The following MBOAT1 variants were observed in gnomAD, a reference collection of about 807,000 sequenced individuals.
MBOAT1 encodes the protein membrane bound glycerophospholipid O-acyltransferase 1, also known as membrane-bound glycerophospholipid O-acyltransferase 1.
A neutral mutation model predicts 64.4 loss-of-function variants in MBOAT1; 67 were observed. That is an observed-to-expected ratio of 1.04 (90% CI 0.85 to 1.27). The LOEUF (loss-of-function observed/expected upper bound fraction) is 1.27. MBOAT1 is among the 50% of genes most tolerant of loss of function. The probability of loss-of-function intolerance (pLI) is 0.00; values close to 1 mark genes in which losing one functional copy is unlikely to be tolerated. For synonymous variants in MBOAT1, 229 were observed against 218.9 expected (o/e 1.05, Z -0.41); for missense variants, 563 against 604.6 (o/e 0.93, Z 0.72).
At chr6:20,207,378 C>A (rs1374238822) in intron 1 of MBOAT1, among the ~76,000 whole-genome samples, 1 of 152,162 alleles carries the variant, frequency 6.6e-6, no homozygotes, top group Non-Finnish European at 1.5e-5. Context: ...AAGAATCACT[C>A]GGGAAGTACC....
chr6:20,109,342 T>C (rs1236334278), intron 12 of MBOAT1, among the ~76,000 whole-genome samples: 3 of 152,146 alleles, frequency 2.0e-5, no homozygotes, highest in Non-Finnish European at 4.4e-5. Flanking sequence ...CAAAATATAC[T>C]GCCATGAGGG....
chr6:20,146,668 T>C (rs1369438406), intron 3 of MBOAT1, among the ~76,000 whole-genome samples: 1 of 152,176 alleles, frequency 6.6e-6, no homozygotes, highest in Non-Finnish European at 1.5e-5. Flanking sequence ...CAGCCATGCC[T>C]GCTGCTTCCC....
At chr6:20,184,051 G>A (rs946307529) in intron 1 of MBOAT1, among the ~76,000 whole-genome samples, 3 of 152,184 alleles carry the variant, frequency 2.0e-5, no homozygotes, top group East Asian at 1.9e-4. Context: ...CACATAACAC[G>A]TGGGAATTCT....
chr6:20,166,647 G>A (rs1485556513), intron 1 of MBOAT1, among the ~76,000 whole-genome samples: 1 of 152,092 alleles, frequency 6.6e-6, no homozygotes, highest in African/African-American at 2.4e-5. Flanking sequence ...TGTCATTCAA[G>A]GATAAAGTAG....
chr6:20,168,586 AG>A (rs1561773187), intron 1 of MBOAT1, among the ~76,000 whole-genome samples: 433 of 95,166 alleles, frequency 4.5e-3, no homozygotes, highest in Non-Finnish European at 6.4e-3. Context: ...AGAAAGAGAG[AG>A]AGGGAGAGAA....
chr6:20,150,403 CT>C (rs1313752667), intron 3 of MBOAT1, among the ~76,000 whole-genome samples: 6 of 152,098 alleles, frequency 3.9e-5, no homozygotes, highest in Non-Finnish European at 5.9e-5. Context: ...CCACAGCTCC[CT>C]GCACCATCCC....
chr6:20,122,508 G>C (rs899313337), intron 8 of MBOAT1, among the ~76,000 whole-genome samples: 1 of 152,174 alleles, frequency 6.6e-6, no homozygotes, highest in African/African-American at 2.4e-5. Context: ...TAAATTGAAA[G>C]TGTACAGAAA....
Position 20,151,227 on chromosome 6 carries a change from C to T in MBOAT1, c.281G>A (p.Cys94Tyr), listed in dbSNP as rs778148843. 1 of 1,613,380 alleles carries T rather than the reference C, an allele frequency of 6.2e-7. No homozygotes were observed. Among genetic ancestry groups the T allele is most frequent in the Non-Finnish European group, 8.5e-7 (1 of 1,179,570 alleles). Residue 94 changes from cysteine (C) to tyrosine (Y), a missense_variant, in exon 3 of 13, where the codon TGC becomes TAC. Coordinates refer to ENST00000324607, the MANE Select transcript of MBOAT1 (RefSeq NM_001080480.3). ...ACTAGCAGTGACCATGATTGCATAG[C>T]ACATTAACACCAGCACAAAAAGATG... ...SVHLFVLVLMCYAIMVTASVS... is the reference protein window; with the variant it reads ...SVHLFVLVLMYYAIMVTASVS...
At chr6:20,118,612 A>T (rs80250389) in intron 8 of MBOAT1, 72 bp from the exon 9 acceptor site, 79,865 of 1,220,660 alleles carry the variant, frequency 0.065, 3,224 homozygotes, top group Admixed American at 0.15. Context: ...GACACTAAAT[A>T]TCTGTCTAGC....
At position 20,118,531 on chromosome 6, in the gene MBOAT1, A is replaced by G. The variant is rs767362676; in HGVS notation, c.917T>C (p.Val306Ala). Residue 306 changes from valine to alanine, a missense_variant, in exon 9 of 13, where the codon GTG becomes GCG. Physicochemically the swap from Val to Ala is moderately conservative, Grantham distance 64. Transcript: ENST00000324607. ...GAACCCAAAGCCAGCTGCGTTATTC[A>G]CTGCATCAGCTATGGTTTTTAAAGT... ...YYFAWTLADAVNNAAGFGFSG... is the reference protein window; with the variant it reads ...YYFAWTLADAANNAAGFGFSG... 1.2e-6 allele frequency: 2 copies of G among 1,613,394 alleles called. No homozygotes were observed. The highest frequency in any genetic ancestry group is 2.2e-5 in the South Asian group (2 of 91,048).
At chr6:20,190,008 C>G (rs1172886171) in intron 1 of MBOAT1, among the ~76,000 whole-genome samples, 1 of 149,934 alleles carries the variant, frequency 6.7e-6, no homozygotes, top group South Asian at 2.1e-4. Flanking sequence ...TCTTTTTTAC[C>G]TTTTTCGAGA....
At chr6:20,129,870 G>A (rs138093800) in intron 5 of MBOAT1, among the ~76,000 whole-genome samples, 95 of 152,232 alleles carry the variant, frequency 6.2e-4, no homozygotes, top group African/African-American at 1.9e-3. Context: ...TCTGATTTTG[G>A]CACTGAAAGT....
At chr6:20,151,336 G>A (rs563759763) in intron 2 of MBOAT1, 74 bp from the exon 3 acceptor site, 808 of 1,069,094 alleles carry the variant, frequency 7.6e-4, no homozygotes, top group Admixed American at 1.2e-3. Context: ...CACCAAAACT[G>A]TGAATCCATC....
chr6:20,153,345 T>C (rs912008792), intron 1 of MBOAT1, among the ~76,000 whole-genome samples: 5 of 152,184 alleles, frequency 3.3e-5, no homozygotes, highest in African/African-American at 1.2e-4. Context: ...CAGGGGGCTT[T>C]TCATGGAAAC....
intron 4 of MBOAT1, among the ~76,000 whole-genome samples, chr6:20,138,524 C>G (rs1761070819): frequency 6.6e-6 from 1 of 152,186 alleles, no homozygotes; most frequent in Non-Finnish European, 1.5e-5. Context: ...TTCAGAAGCA[C>G]GTGACTGTTT....
chr6:20,144,574 G>T lies in MBOAT1; in HGVS notation c.324-259C>A, dbSNP rs76087564. On this transcript the variant is annotated intron_variant, in intron 3 of 12. Coordinates refer to ENST00000324607, the MANE Select transcript of MBOAT1 (RefSeq NM_001080480.3). ...TGCAAACCACAGATCCCTGGGACTTGCTCCCTGCTATTCCTGTTTAATTCC... is the reference window on the plus strand; with the variant it reads ...TGCAAACCACAGATCCCTGGGACTTTCTCCCTGCTATTCCTGTTTAATTCC... 2.3e-3 allele frequency among the ~76,000 whole-genome samples: 347 copies of T among 152,270 alleles called. 1 individual carries two copies. Among genetic ancestry groups the T allele is most frequent in the African/African-American group, 7.9e-3 (327 of 41,538 alleles).
At chr6:20,186,154 G>A (rs1430875827) in intron 1 of MBOAT1, among the ~76,000 whole-genome samples, 1 of 152,246 alleles carries the variant, frequency 6.6e-6, no homozygotes, top group Non-Finnish European at 1.5e-5. Flanking sequence ...CTGTACTCCA[G>A]CATGGGTCAC....
intron 1 of MBOAT1, 42 bp downstream of exon 1, chr6:20,212,094 C>T (rs1763445911): frequency 1.3e-6 from 2 of 1,584,396 alleles, no homozygotes; most frequent in Non-Finnish European, 1.7e-6. Context: ...TGCACGCGAT[C>T]GCTGGGGAGC....
chr6:20,108,404 T>C (rs903266703), intron 12 of MBOAT1, among the ~76,000 whole-genome samples: 1 of 152,186 alleles, frequency 6.6e-6, no homozygotes. Flanking sequence ...CCATGTTATA[T>C]TGACATAACT....
Sources: gnomAD v4.1 joint callset for allele counts (sites outside exome capture counted in the v4.1 genomes callset) on GRCh38, gnomAD v4.1.1 for gene constraint, MANE v1.5 for transcripts, NCBI Gene and HGNC (gene_info 2026-07-23, HGNC 2026-07-21) for gene names.